RAB6A: variants seen among roughly 807,000 people sequenced by gnomAD.
The protein encoded by RAB6A is RAB6A, member RAS oncogene family, also known as ras-related protein Rab-6A.
A neutral mutation model predicts 32.3 loss-of-function variants in RAB6A; 8 were observed. That is an observed-to-expected ratio of 0.25 (90% CI 0.15 to 0.45). RAB6A has a LOEUF of 0.45. Among genes scored for constraint, RAB6A ranks in the 20% least tolerant of loss-of-function variants. The pLI is 1.00. For synonymous variants in RAB6A, 73 were observed against 82.1 expected (o/e 0.89, Z 0.60); for missense variants, 104 against 249.4 (o/e 0.42, Z 3.93).
intron 1 of RAB6A, among the ~76,000 whole-genome samples, chr11:73,743,304 CAAAAAAA>C (rs56400918): frequency 7.7e-5 from 8 of 103,354 alleles, no homozygotes; most frequent in African/African-American, 2.9e-4. Context: ...AACTCTGTCT[CAAAAAAA>C]AAAAAAAAAA....
chr11:73,693,291 A>AACAT (rs1555055732), intron 6 of RAB6A, among the ~76,000 whole-genome samples: 1 of 150,918 alleles, frequency 6.6e-6, no homozygotes, highest in Admixed American at 6.6e-5. Context: ...CCGTCTCCAA[A>AACAT]AAATAAATAA....
At chr11:73,722,327 ATATATATATATATATATTTTT>A (rs1399260753) in intron 2 of RAB6A, 241 of 11,958 alleles carry the variant, frequency 0.02, 6 homozygotes, top group African/African-American at 0.048. Flanking sequence ...ATATATATAT[ATATATATATATATATATTTTT>A]TTTTTTTTTT....
intron 6 of RAB6A, among the ~76,000 whole-genome samples, chr11:73,689,096 T>A (rs886979858): frequency 6.6e-6 from 1 of 151,252 alleles, no homozygotes; most frequent in Non-Finnish European, 1.5e-5. Flanking sequence ...CACTCCAGCC[T>A]GGAAGACAGA....
In RAB6A at chr11:73,675,761, T is replaced by G. The variant is rs1259541392; in HGVS notation, c.*2137A>C. 6.1e-6 allele frequency: 1 copy of G among 163,856 alleles called. No individual in the cohort carries two copies. Among genetic ancestry groups the G allele is most frequent in the African/African-American group, 2.4e-5 (1 of 41,294 alleles). The allele number at this position is 163,856 out of a possible 1,614,324, so 10.2% of individuals were successfully genotyped here. On this transcript the variant is annotated 3_prime_UTR_variant, in exon 8 of 8. Coordinates refer to ENST00000336083, the MANE Select transcript of RAB6A (RefSeq NM_198896.2). ...ACTCCAAGCCAAATAAAAAGACCAA[T>G]CAATATTAAAAGCAGTATAACTGGT...
chr11:73,681,639 T>G (rs1388624158), intron 6 of RAB6A, among the ~76,000 whole-genome samples: 2 of 152,130 alleles, frequency 1.3e-5, no homozygotes, highest in East Asian at 3.8e-4. Flanking sequence ...TGAAACCCCG[T>G]CTCTACTAAG....
intron 2 of RAB6A, among the ~76,000 whole-genome samples, chr11:73,724,887 A>C (rs1214774918): frequency 2.0e-5 from 3 of 152,290 alleles, no homozygotes; most frequent in East Asian, 3.9e-4. Context: ...CATGAGAGTA[A>C]GGTTGGTTGA....
intron 1 of RAB6A, among the ~76,000 whole-genome samples, chr11:73,749,755 G>A (rs1201918390): frequency 6.6e-6 from 1 of 152,098 alleles, no homozygotes; most frequent in East Asian, 1.9e-4. Flanking sequence ...CTAGCTACTC[G>A]GGAGGCTAAG....
intron 6 of RAB6A, among the ~76,000 whole-genome samples, chr11:73,706,526 A>C (rs1249597471): frequency 6.6e-6 from 1 of 152,006 alleles, no homozygotes; most frequent in Non-Finnish European, 1.5e-5. Flanking sequence ...AAAAAAAAAA[A>C]AATTATTGGT....
chr11:73,689,895 CAAA>C (rs5792626), intron 6 of RAB6A, among the ~76,000 whole-genome samples: 4 of 60,956 alleles, frequency 6.6e-5, no homozygotes, highest in African/African-American at 1.8e-4. Context: ...GACTCCGTCT[CAAA>C]AAAAAAAAAA....
chr11:73,742,630 G>A (rs991958647), intron 1 of RAB6A, among the ~76,000 whole-genome samples: 8 of 152,044 alleles, frequency 5.3e-5, no homozygotes, highest in African/African-American at 1.2e-4. Flanking sequence ...TGACCAACAC[G>A]GAGAAACCCC....
intron 1 of RAB6A, among the ~76,000 whole-genome samples, chr11:73,732,810 T>G (rs1463670574): frequency 3.3e-5 from 5 of 151,808 alleles, no homozygotes; most frequent in African/African-American, 4.8e-5. Context: ...TTCTCCTCAG[T>G]GATTTTCTTT....
intron 1 of RAB6A, among the ~76,000 whole-genome samples, chr11:73,745,696 G>C (rs1179387208): frequency 6.6e-6 from 1 of 152,118 alleles, no homozygotes; most frequent in African/African-American, 2.4e-5. Context: ...GTCAGGCATG[G>C]TGGCGTGTGC....
chr11:73,759,476 A>G (rs1373823365), intron 1 of RAB6A, among the ~76,000 whole-genome samples: 1 of 152,224 alleles, frequency 6.6e-6, no homozygotes, highest in African/African-American at 2.4e-5. Context: ...CAGAATATTA[A>G]GCATAAAAGA....
intron 6 of RAB6A, among the ~76,000 whole-genome samples, chr11:73,703,712 G>A (rs1172356999): frequency 6.6e-6 from 1 of 151,924 alleles, no homozygotes; most frequent in East Asian, 1.9e-4. Flanking sequence ...ACTCACTCCA[G>A]CCTGGGCAAC....
intron 1 of RAB6A, among the ~76,000 whole-genome samples, chr11:73,746,743 G>A (rs898927241): frequency 2.7e-5 from 4 of 150,832 alleles, no homozygotes; most frequent in Admixed American, 2.7e-4. Context: ...CCAGGGAGAC[G>A]TAGCAAAACT....
In RAB6A at chr11:73,759,722, GT is replaced by G. The variant is rs1358040710; in HGVS notation, c.70+843del. 4.6e-5 allele frequency among the ~76,000 whole-genome samples: 7 copies of G among 152,166 alleles called. No individual in the cohort carries two copies. The East Asian group carries it at 1.2e-3, about 25-fold the overall frequency. Reference sequence around the variant, plus strand: ...CCATGAGACTCAGACGCTGCTTCATGTTGAAAAGAGAAAAAGGGGAGGTGAG... The same window carrying G: ...CCATGAGACTCAGACGCTGCTTCATGTGAAAAGAGAAAAAGGGGAGGTGAG... On this transcript the variant is annotated intron_variant, in intron 1 of 7. Transcript: ENST00000336083.
chr11:73,697,458 G>A (rs1205599990), intron 6 of RAB6A, among the ~76,000 whole-genome samples: 3 of 151,856 alleles, frequency 2.0e-5, no homozygotes, highest in Non-Finnish European at 4.4e-5. Context: ...AGTGATTCTT[G>A]TGCTTCAGCC....
chr11:73,738,527 C>T (rs1946437446), intron 1 of RAB6A, among the ~76,000 whole-genome samples: 1 of 152,034 alleles, frequency 6.6e-6, no homozygotes, highest in Non-Finnish European at 1.5e-5. Flanking sequence ...TGGAGTAGAC[C>T]TGTAGCCCCA....
chr11:73,731,725 TATATATACACACAC>T (rs1946313835), intron 1 of RAB6A, among the ~76,000 whole-genome samples: 2 of 8,716 alleles, frequency 2.3e-4, no homozygotes, highest in East Asian at 5.4e-3. Flanking sequence ...TATATATATA[TATATATACACACAC>T]ACACACATAT....
Sources: gnomAD v4.1 joint callset for allele counts (sites outside exome capture counted in the v4.1 genomes callset) on GRCh38, gnomAD v4.1.1 for gene constraint, MANE v1.5 for transcripts, NCBI Gene and HGNC (gene_info 2026-07-23, HGNC 2026-07-21) for gene names.